Variants in NALF1 observed in about 807,000 individuals in gnomAD.
NALF1 encodes the protein NALCN channel auxiliary factor 1.
Under a neutral mutation model 48.4 loss-of-function variants are expected in NALF1, and 3 were observed. The observed-to-expected ratio is 0.06, with a 90% CI of 0.03 to 0.16. The LOEUF is 0.16. NALF1 is among the 10% of genes least tolerant of loss of function. The pLI is 1.00. For missense variants in NALF1, 526 were observed against 571.5 expected (o/e 0.92, Z 0.81); for synonymous variants, 262 against 245.7 (o/e 1.07, Z -0.62).
intron 1 of NALF1, among the ~76,000 whole-genome samples, chr13:107,400,670 C>T (rs1883789201): frequency 6.6e-6 from 1 of 151,968 alleles, no homozygotes; most frequent in South Asian, 2.1e-4. Context: ...TGCCACTGCA[C>T]TCCAGCCTGG....
chr13:107,403,071 G>C (rs1883835996), intron 1 of NALF1, among the ~76,000 whole-genome samples: 1 of 151,732 alleles, frequency 6.6e-6, no homozygotes, highest in Admixed American at 6.6e-5. Context: ...ATGTCCACAG[G>C]CCTGGTGATT....
chr13:107,579,909 A>G (rs1878257503), intron 1 of NALF1, among the ~76,000 whole-genome samples: 1 of 151,924 alleles, frequency 6.6e-6, no homozygotes, highest in Non-Finnish European at 1.5e-5. Context: ...GGGATCTAGA[A>G]CTAGAAATAC....
intron 1 of NALF1, among the ~76,000 whole-genome samples, chr13:107,389,009 A>G (rs371206339): frequency 6.6e-6 from 1 of 152,246 alleles, no homozygotes; most frequent in African/African-American, 2.4e-5. Flanking sequence ...TGCAATTCTC[A>G]GGCTTCAGGG....
At chr13:107,249,249 T>A (rs1293720374) in intron 1 of NALF1, among the ~76,000 whole-genome samples, 1 of 152,156 alleles carries the variant, frequency 6.6e-6, no homozygotes, top group Non-Finnish European at 1.5e-5. Flanking sequence ...AATTTTGCAT[T>A]CAGTCACAGT....
At chr13:107,473,626 A>G (rs1305452622) in intron 1 of NALF1, among the ~76,000 whole-genome samples, 1 of 152,216 alleles carries the variant, frequency 6.6e-6, no homozygotes, top group Non-Finnish European at 1.5e-5. Context: ...CAATTTGCTT[A>G]TGGAAAAGAG....
intron 1 of NALF1, among the ~76,000 whole-genome samples, chr13:107,855,228 C>T (rs1880414960): frequency 6.6e-6 from 1 of 152,132 alleles, no homozygotes; most frequent in Admixed American, 6.5e-5. Context: ...GAATCAAGGC[C>T]TCTCTGACTC....
rs141233252 is a variant in NALF1, at chr13:107,635,081, T to C, written c.915+230601A>G. Among the ~76,000 whole-genome samples the C allele has an allele frequency of 2.0e-5, 3 of 152,304 alleles. No individual in the cohort carries two copies. In the East Asian group the frequency reaches 5.8e-4, roughly 29 times the overall value. On this transcript the variant is annotated intron_variant, in intron 1 of 2. Coordinates refer to ENST00000375915, the MANE Select transcript of NALF1 (RefSeq NM_001080396.3). Reference sequence around the variant, plus strand: ...AATATGTTTTGGCCAAATACGAATATGTGAGTATCTTCACAATTGGTGTTC... The same window carrying C: ...AATATGTTTTGGCCAAATACGAATACGTGAGTATCTTCACAATTGGTGTTC...
chr13:107,166,784 C>G lies in NALF1; in HGVS notation c.*3713G>C, dbSNP rs962036218. On this transcript the variant is annotated 3_prime_UTR_variant, in exon 3 of 3. Coordinates refer to ENST00000375915, the MANE Select transcript of NALF1 (RefSeq NM_001080396.3). The stretch of plus-strand genomic sequence containing the variant: ...CCTCCCTTCTTCCCTCCCTCCCTCA[C>G]TCCCCTCTTTCCTTCCTTCTTTCCT... 3.9e-5 allele frequency: 6 copies of G among 152,102 alleles called. No individual in the cohort carries two copies. Among genetic ancestry groups the G allele is most frequent in the Admixed American group, 2.6e-4 (4 of 15,272 alleles). 9.4% of individuals were successfully genotyped at this position (152,102 alleles called of 1,614,324 possible). A position where few individuals can be genotyped will look rare whatever the true frequency, so the allele number is the denominator to read the frequency against.
chr13:107,212,811 A>G (rs768318502), intron 1 of NALF1, among the ~76,000 whole-genome samples: 6 of 152,182 alleles, frequency 3.9e-5, no homozygotes, highest in Non-Finnish European at 7.3e-5. Context: ...CTGCAGTTCA[A>G]AAAATAACAT....
At chr13:107,276,449 T>A (rs1346017104) in intron 1 of NALF1, among the ~76,000 whole-genome samples, 2 of 152,138 alleles carry the variant, frequency 1.3e-5, no homozygotes, top group Non-Finnish European at 2.9e-5. Context: ...TAGATGCCAA[T>A]GAATCTAGCA....
intron 1 of NALF1, among the ~76,000 whole-genome samples, chr13:107,609,258 T>C (rs1879158439): frequency 6.6e-6 from 1 of 152,188 alleles, no homozygotes; most frequent in African/African-American, 2.4e-5. Context: ...ATTCAGTTCA[T>C]GAAACAAATC....
intron 1 of NALF1, among the ~76,000 whole-genome samples, chr13:107,417,633 C>T (rs1884113509): frequency 6.6e-6 from 1 of 152,170 alleles, no homozygotes; most frequent in Non-Finnish European, 1.5e-5. Flanking sequence ...CCATGTACGG[C>T]AGTAACAACT....
intron 1 of NALF1, among the ~76,000 whole-genome samples, chr13:107,279,832 T>C (rs925608058): frequency 1.3e-5 from 2 of 152,206 alleles, no homozygotes; most frequent in African/African-American, 4.8e-5. Flanking sequence ...CTAAATAATA[T>C]CTTGGAATCA....
intron 1 of NALF1, among the ~76,000 whole-genome samples, chr13:107,458,795 T>C (rs1884869094): frequency 6.6e-6 from 1 of 152,234 alleles, no homozygotes; most frequent in African/African-American, 2.4e-5. Context: ...AAAAGTGGTA[T>C]TTTAATGTAA....
chr13:107,597,365 C>T (rs934120667), intron 1 of NALF1, among the ~76,000 whole-genome samples: 3 of 152,094 alleles, frequency 2.0e-5, no homozygotes, highest in Non-Finnish European at 4.4e-5. Context: ...TCAAATTATG[C>T]TTTCTGTACA....
chr13:107,199,279 C>G (rs1430979107), intron 2 of NALF1, among the ~76,000 whole-genome samples: 1 of 152,064 alleles, frequency 6.6e-6, no homozygotes, highest in Non-Finnish European at 1.5e-5. Flanking sequence ...GTCTACAGGC[C>G]AAGGAGAGAG....
intron 1 of NALF1, among the ~76,000 whole-genome samples, chr13:107,670,227 T>C (rs1880957563): frequency 6.6e-6 from 1 of 152,022 alleles, no homozygotes; most frequent in Non-Finnish European, 1.5e-5. Flanking sequence ...TTAAATGTGG[T>C]CTTATTGACG....
chr13:107,173,579 C>T (rs754187707), intron 2 of NALF1, among the ~76,000 whole-genome samples: 2 of 152,192 alleles, frequency 1.3e-5, no homozygotes, highest in Non-Finnish European at 2.9e-5. Flanking sequence ...GACTGGTTGC[C>T]GTCATGCCTG....
At chr13:107,416,174 A>ATT (rs369522653) in intron 1 of NALF1, among the ~76,000 whole-genome samples, 57,625 of 143,484 alleles carry the variant, frequency 0.4, 12,296 homozygotes, top group Middle Eastern at 0.6. Context: ...GCCCGGCTAA[A>ATT]TTTTTTTTTT....
Sources: gnomAD v4.1 joint callset for allele counts (sites outside exome capture counted in the v4.1 genomes callset) on GRCh38, gnomAD v4.1.1 for gene constraint, MANE v1.5 for transcripts, NCBI Gene and HGNC (gene_info 2026-07-23, HGNC 2026-07-21) for gene names.